The following SKIL variants were observed in gnomAD, a reference collection of about 807,000 sequenced individuals.
The protein encoded by SKIL is ski-like protein.
SKIL carries 20 observed loss-of-function variants against 69.6 expected under a neutral mutation model. The observed-to-expected ratio is 0.29, with a 90% CI of 0.20 to 0.42. The LOEUF is 0.42. Among genes scored for constraint, SKIL ranks in the 10% least tolerant of loss-of-function variants. SKIL has a pLI of 1.00. For synonymous variants in SKIL, 310 were observed against 279.9 expected, an observed-to-expected ratio of 1.11 and a Z score of -1.08; for missense variants, 745 against 783.1, an observed-to-expected ratio of 0.95 and a Z score of 0.58.
intron 5 of SKIL, 66 bp from the exon 6 acceptor site, chr3:170,390,970 C>T: frequency 1.2e-6 from 1 of 838,088 alleles, no homozygotes; most frequent in Non-Finnish European, 1.9e-6. Flanking sequence ...CTATGTTTTC[C>T]AGAACTGAAA....
Position 170,360,314 on chromosome 3 carries a change from T to C in SKIL, c.-18T>C. On this transcript the variant is annotated 5_prime_UTR_variant, in exon 2 of 7. Coordinates refer to ENST00000259119, the MANE Select transcript of SKIL (RefSeq NM_005414.5). Reference sequence around the variant, plus strand: ...AAATGCTAATCTCAGACTTAATTATTTAACAGAAGAGTGTACCATGGAAAA... The same window carrying C: ...AAATGCTAATCTCAGACTTAATTATCTAACAGAAGAGTGTACCATGGAAAA... 1 of 1,520,250 alleles carries C rather than the reference T, an allele frequency of 6.6e-7. No individual in the cohort carries two copies. Among genetic ancestry groups the C allele is most frequent in the Non-Finnish European group, 8.8e-7 (1 of 1,138,610 alleles). The allele number at this position is 1,520,250 out of a possible 1,614,324, so 94.2% of individuals were successfully genotyped here.
chr3:170,384,905 T>G lies in SKIL; in HGVS notation c.1429+140T>G. On this transcript the variant is annotated intron_variant, in intron 4 of 6. Transcript: ENST00000259119. ...CTTTAAAAATGCTACCCTTCAAAACTCTGGGTGATTTATTTTAATCTCAGT... is the reference window on the plus strand; with the variant it reads ...CTTTAAAAATGCTACCCTTCAAAACGCTGGGTGATTTATTTTAATCTCAGT... The G allele has an allele frequency of 8.9e-6, 5 of 560,124 alleles. No individual in the cohort carries two copies. The South Asian group carries it at 1.2e-4, about 13-fold the overall frequency. 34.7% of individuals were successfully genotyped at this position (560,124 alleles called of 1,614,324 possible).
chr3:170,367,935 C>T (rs1448628806), intron 2 of SKIL, among the ~76,000 whole-genome samples: 6 of 152,194 alleles, frequency 3.9e-5, no homozygotes, highest in East Asian at 1.9e-4. Flanking sequence ...GCGTATTAGC[C>T]GTTTGAGAGT....
chr3:170,390,190 C>T (rs756418558), intron 4 of SKIL, 33 bp from the exon 5 acceptor site: 2 of 1,510,300 alleles, frequency 1.3e-6, no homozygotes, highest in Admixed American at 3.5e-5. Flanking sequence ...GAGTGATATT[C>T]ATACTTTGTT....
intron 2 of SKIL, 136 bp downstream of exon 2, chr3:170,361,565 T>C: frequency 1.4e-6 from 1 of 734,040 alleles, no homozygotes; most frequent in Non-Finnish European, 2.2e-6. Flanking sequence ...GATATATTTG[T>C]ATTGCAGTTT....
chr3:170,376,900 T>C (rs951227433), intron 2 of SKIL, among the ~76,000 whole-genome samples: 1 of 152,220 alleles, frequency 6.6e-6, no homozygotes, highest in Non-Finnish European at 1.5e-5. Context: ...TCTTAAACAT[T>C]AATTACCATA....
At chr3:170,368,975 C>T (rs1736668669) in intron 2 of SKIL, among the ~76,000 whole-genome samples, 1 of 151,932 alleles carries the variant, frequency 6.6e-6, no homozygotes, top group South Asian at 2.1e-4. Flanking sequence ...TTGTTTAGTG[C>T]CTTTCTCATT....
At chr3:170,368,351 T>G (rs577193293) in intron 2 of SKIL, among the ~76,000 whole-genome samples, 96 of 152,278 alleles carry the variant, frequency 6.3e-4, no homozygotes, top group African/African-American at 2.1e-3. Flanking sequence ...TTTTTTCTAT[T>G]TTTTTGGAAC....
rs1399599560 is a variant in SKIL, at chr3:170,360,476, G to A, written c.145G>A (p.Val49Ile). The change falls in exon 2 of 7, where the codon GTT (valine) becomes ATT (isoleucine). Residue 49 changes from valine to isoleucine, a missense_variant. Val to Ile is a conservative substitution (Grantham distance 29). Coordinates refer to ENST00000259119, the MANE Select transcript of SKIL (RefSeq NM_005414.5). Reference protein sequence around the residue: ...NGKTINKVPTVKKEHLDDYGE... With the variant: ...NGKTINKVPTIKKEHLDDYGE... ...AAAAACGATAAACAAGGTGCCAACA[G>A]TTAAGAAGGAACACTTGGATGACTA... The A allele has an allele frequency of 1.5e-5, 25 of 1,614,082 alleles. No individual in the cohort carries two copies. The highest frequency in any genetic ancestry group is 2.1e-5 in the Non-Finnish European group (25 of 1,180,006).
intron 2 of SKIL, among the ~76,000 whole-genome samples, chr3:170,377,291 G>T (rs1205578530): frequency 6.6e-6 from 1 of 151,076 alleles, no homozygotes; most frequent in Non-Finnish European, 1.5e-5. Flanking sequence ...AGGCTGGAGT[G>T]CAGTGGAGCG....
intron 2 of SKIL, among the ~76,000 whole-genome samples, chr3:170,375,751 A>ATT (rs35958432): frequency 3.2e-4 from 49 of 151,144 alleles, no homozygotes; most frequent in African/African-American, 1.1e-3. Context: ...ATTAAAAACA[A>ATT]TTTTTTTTGT....
At position 170,390,434 on chromosome 3, in the gene SKIL, G is replaced by T; in HGVS notation, c.1641G>T (p.Leu547Phe). The change falls in exon 5 of 7, where the codon TTG becomes TTT. Residue 547 changes from leucine to phenylalanine, a missense_variant. By Grantham distance (22) the Leu-to-Phe change is conservative. Transcript: ENST00000259119. ...TAAAACAACAGGAAAAACTAAACTT[G>T]ATTTTGCAAAAGAAGCAACAACTTC... ...TYLKQQEKLN[L>F]ILQKKQQLQM... 6.2e-7 allele frequency: 1 copy of T among 1,612,046 alleles called. No individual in the cohort carries two copies. The highest frequency in any genetic ancestry group is 1.1e-5 in the South Asian group (1 of 90,992).
intron 2 of SKIL, among the ~76,000 whole-genome samples, chr3:170,362,523 C>G (rs756473667): frequency 3.3e-4 from 30 of 89,798 alleles, no homozygotes; most frequent in Middle Eastern, 4.0e-3. Context: ...AACAAACAAA[C>G]AACCTATCAA....
intron 2 of SKIL, among the ~76,000 whole-genome samples, chr3:170,376,190 G>A (rs1293206869): frequency 1.3e-5 from 2 of 151,676 alleles, no homozygotes; most frequent in African/African-American, 2.4e-5. Flanking sequence ...TGGGATTACA[G>A]GGATGCACCA....
At chr3:170,385,627 C>G (rs1737582017) in intron 4 of SKIL, among the ~76,000 whole-genome samples, 2 of 152,082 alleles carry the variant, frequency 1.3e-5, no homozygotes, top group African/African-American at 4.8e-5. Context: ...TTAAATGAGA[C>G]ATGTCTGCAG....
chr3:170,376,977 C>A (rs1157744324), intron 2 of SKIL, among the ~76,000 whole-genome samples: 1 of 152,158 alleles, frequency 6.6e-6, no homozygotes. Context: ...TATGCTAAAG[C>A]CTTTACTCAG....
chr3:170,391,107 G>A lies in SKIL; in HGVS notation c.1743G>A (p.Glu581=), dbSNP rs757894301. The change falls in exon 6 of 7, where the codon GAG becomes GAA. Residue 581 remains glutamate (E), a synonymous_variant. Coordinates refer to ENST00000259119, the MANE Select transcript of SKIL (RefSeq NM_005414.5). ...AAGAACAGCAGAATTTACAGAAAGA[G>A]CTTGAATCTTTGCAGAATGAACATG... is the stretch of plus-strand genomic sequence containing the variant. ...LTEEQQNLQK[E]LESLQNEHAQ... 9 of 1,610,426 alleles carry A rather than the reference G, an allele frequency of 5.6e-6. No homozygotes were observed. In the South Asian group the frequency reaches 7.7e-5, roughly 14 times the overall value.
At chr3:170,382,239 G>GC (rs1737390074) in intron 3 of SKIL, among the ~76,000 whole-genome samples, 5 of 152,052 alleles carry the variant, frequency 3.3e-5, no homozygotes, top group Admixed American at 3.3e-4. Flanking sequence ...GAAATGAAAT[G>GC]AATTGTAAAT....
intron 2 of SKIL, among the ~76,000 whole-genome samples, chr3:170,365,031 T>G (rs781023586): frequency 3.9e-5 from 6 of 152,258 alleles, no homozygotes; most frequent in African/African-American, 7.2e-5. Context: ...TTAAGAAAGA[T>G]TCTTTTCTTT....
Sources: allele counts gnomAD v4.1 joint callset (sites outside exome capture counted in the v4.1 genomes callset), GRCh38; gene constraint gnomAD v4.1.1; transcripts MANE v1.5; gene names NCBI Gene and HGNC (gene_info 2026-07-23, HGNC 2026-07-21).